The following CNTNAP2 variants were observed in gnomAD, a reference collection of about 807,000 sequenced individuals.
CNTNAP2 encodes contactin associated protein 2.
CNTNAP2 carries 98 observed loss-of-function variants against 155.2 expected under a neutral mutation model. That is an observed-to-expected ratio of 0.63 (90% CI 0.54 to 0.75). The LOEUF (loss-of-function observed/expected upper bound fraction) is 0.75, where lower values mean the gene tolerates loss of function less well. Among genes scored for constraint, CNTNAP2 ranks in the 30% least tolerant of loss-of-function variants. The pLI is 0.00. For missense variants in CNTNAP2, 1,727 were observed against 1,688.1 expected (o/e 1.02, Z -0.40); for synonymous variants, 651 against 631.2 (o/e 1.03, Z -0.47).
chr7:147,511,950 T>C (rs930938470), intron 11 of CNTNAP2, among the ~76,000 whole-genome samples: 1 of 152,236 alleles, frequency 6.6e-6, no homozygotes, highest in African/African-American at 2.4e-5. Context: ...GTATATTTAT[T>C]TGTTTGCTTG....
At chr7:146,460,793 G>A (rs1034476329) in intron 1 of CNTNAP2, among the ~76,000 whole-genome samples, 4 of 152,130 alleles carry the variant, frequency 2.6e-5, no homozygotes, top group African/African-American at 9.7e-5. Flanking sequence ...GTAAAATGTA[G>A]AATTGTGGAT....
intron 9 of CNTNAP2, among the ~76,000 whole-genome samples, chr7:147,343,567 T>C (rs1301981164): frequency 6.6e-6 from 1 of 152,158 alleles, no homozygotes; most frequent in Admixed American, 6.6e-5. Context: ...ATTTTGTTGC[T>C]CTGAAATATA....
At chr7:147,070,387 C>G (rs1383608235) in intron 4 of CNTNAP2, among the ~76,000 whole-genome samples, 1 of 152,132 alleles carries the variant, frequency 6.6e-6, no homozygotes, top group Admixed American at 6.5e-5. Flanking sequence ...TAGCCAAAAC[C>G]ACATATGGTT....
chr7:147,742,966 G>A (rs1368189771), intron 13 of CNTNAP2, among the ~76,000 whole-genome samples: 1 of 152,196 alleles, frequency 6.6e-6, no homozygotes, highest in Non-Finnish European at 1.5e-5. Context: ...TGGACAGTGT[G>A]TGCTCCTATG....
chr7:146,428,598 GT>G (rs529126998), intron 1 of CNTNAP2, among the ~76,000 whole-genome samples: 22 of 148,754 alleles, frequency 1.5e-4, no homozygotes, highest in South Asian at 1.1e-3. Flanking sequence ...GGGGTTGTTT[GT>G]TTTTTTTTCT....
chr7:147,460,977 AGTT>A (rs938933893), intron 10 of CNTNAP2, among the ~76,000 whole-genome samples: 80 of 152,334 alleles, frequency 5.3e-4, no homozygotes, highest in African/African-American at 1.9e-3. Context: ...GTGGAGAAGA[AGTT>A]GTGTCGTGAT....
intron 4 of CNTNAP2, among the ~76,000 whole-genome samples, chr7:147,064,561 T>C (rs560159226): frequency 6.6e-6 from 1 of 152,300 alleles, no homozygotes; most frequent in East Asian, 1.9e-4. Flanking sequence ...GTTGTTTGTA[T>C]TACCTTGAAT....
At chr7:147,745,219 T>C (rs924736613) in intron 13 of CNTNAP2, among the ~76,000 whole-genome samples, 1 of 152,224 alleles carries the variant, frequency 6.6e-6, no homozygotes, top group African/African-American at 2.4e-5. Context: ...ATGATGCTTA[T>C]AAAGTTGTTT....
intron 21 of CNTNAP2, among the ~76,000 whole-genome samples, chr7:148,324,568 C>A (rs943867803): frequency 2.0e-5 from 3 of 152,016 alleles, no homozygotes; most frequent in African/African-American, 4.8e-5. Context: ...GAGGCCAAGG[C>A]GGTTGGGTCA....
chr7:147,730,689 A>G (rs1796724312), intron 13 of CNTNAP2, among the ~76,000 whole-genome samples: 3 of 152,152 alleles, frequency 2.0e-5, no homozygotes, highest in Admixed American at 6.6e-5. Context: ...TCAAGTGAAA[A>G]AAAGAGTCAC....
At chr7:146,884,714 T>A (rs1306608859) in intron 3 of CNTNAP2, among the ~76,000 whole-genome samples, 1 of 152,092 alleles carries the variant, frequency 6.6e-6, no homozygotes, top group East Asian at 1.9e-4. Flanking sequence ...AAAGCCCATG[T>A]CTAACTGGGG....
At chr7:148,081,921 T>C (rs546187624) in intron 15 of CNTNAP2, among the ~76,000 whole-genome samples, 1 of 152,132 alleles carries the variant, frequency 6.6e-6, no homozygotes, top group Non-Finnish European at 1.5e-5. Flanking sequence ...AGATATAGGC[T>C]GATAGATGGA....
chr7:146,179,767 A>G (rs779927439), intron 1 of CNTNAP2, among the ~76,000 whole-genome samples: 4 of 152,162 alleles, frequency 2.6e-5, no homozygotes, highest in Admixed American at 6.6e-5. Flanking sequence ...TCAAAATTTA[A>G]TTATTGTAGA....
chr7:147,363,773 C>T (rs1206366780), intron 9 of CNTNAP2, among the ~76,000 whole-genome samples: 4 of 152,102 alleles, frequency 2.6e-5, no homozygotes, highest in Non-Finnish European at 5.9e-5. Flanking sequence ...GTAATTATGC[C>T]AGTAATTCTT....
intron 13 of CNTNAP2, among the ~76,000 whole-genome samples, chr7:147,816,130 T>G (rs1798262502): frequency 6.6e-6 from 1 of 152,122 alleles, no homozygotes; most frequent in African/African-American, 2.4e-5. Flanking sequence ...TATATTACTT[T>G]AACAGAATTT....
At chr7:146,491,863 A>G (rs944645101) in intron 1 of CNTNAP2, among the ~76,000 whole-genome samples, 6 of 152,122 alleles carry the variant, frequency 3.9e-5, no homozygotes, top group Non-Finnish European at 7.3e-5. Flanking sequence ...TTCATCTTCT[A>G]TTATGTGTCT....
intron 13 of CNTNAP2, among the ~76,000 whole-genome samples, chr7:147,689,135 G>C (rs1280407339): frequency 1.3e-5 from 2 of 149,292 alleles, no homozygotes; most frequent in African/African-American, 4.9e-5. Context: ...TGAAAGCGGA[G>C]TATTCATAAT....
intron 8 of CNTNAP2, among the ~76,000 whole-genome samples, chr7:147,265,969 A>T (rs1309052110): frequency 6.6e-6 from 1 of 152,316 alleles, no homozygotes; most frequent in East Asian, 1.9e-4. Context: ...AAGTCCCCAC[A>T]AAAACCTCAT....
chr7:148,298,113 T>G (rs755225369), intron 21 of CNTNAP2, among the ~76,000 whole-genome samples: 1 of 152,180 alleles, frequency 6.6e-6, no homozygotes, highest in Non-Finnish European at 1.5e-5. Context: ...TAGCCCTAAA[T>G]GGCATTTACG....
Sources: allele counts gnomAD v4.1 joint callset (sites outside exome capture counted in the v4.1 genomes callset), GRCh38; gene constraint gnomAD v4.1.1; transcripts MANE v1.5; gene names NCBI Gene and HGNC (gene_info 2026-07-23, HGNC 2026-07-21).